The following TYW1B variants were observed in gnomAD, a reference collection of about 807,000 sequenced individuals.
TYW1B encodes S-adenosyl-L-methionine-dependent tRNA 4-demethylwyosine synthase TYW1B.
In TYW1B, 73 loss-of-function variants were observed where a neutral mutation model predicts 86.9. That is an observed-to-expected ratio of 0.84 (90% CI 0.70 to 1.02). TYW1B has a LOEUF of 1.02. Ranked by LOEUF, TYW1B falls within the 50% of genes least tolerant of loss-of-function variation. The probability of loss-of-function intolerance (pLI) is 0.00; values close to 1 mark genes in which losing one functional copy is unlikely to be tolerated. For missense variants in TYW1B, 637 were observed against 827.4 expected (o/e 0.77, Z 2.82); for synonymous variants, 248 against 292.8 (o/e 0.85, Z 1.56).
intron 10 of TYW1B, among the ~76,000 whole-genome samples, chr7:72,703,014 A>ATTTTTTTTTTTTTT (rs1814516950): frequency 2.0e-5 from 1 of 49,006 alleles, no homozygotes; most frequent in African/African-American, 6.4e-5. Flanking sequence ...ATATATATAT[A>ATTTTTTTTTTTTTT]TATATATATA....
At chr7:72,706,363 G>A (rs1554453638) in intron 10 of TYW1B, among the ~76,000 whole-genome samples, 1 of 149,602 alleles carries the variant, frequency 6.7e-6, no homozygotes, top group Non-Finnish European at 1.5e-5. Flanking sequence ...GGAAGTGGAG[G>A]TTGTGGTGAG....
chr7:72,732,411 T>C (rs1186699309), intron 8 of TYW1B, among the ~76,000 whole-genome samples: 1 of 152,098 alleles, frequency 6.6e-6, no homozygotes, highest in African/African-American at 2.4e-5. Flanking sequence ...CAAAATCCTA[T>C]CAAGTATGTT....
At chr7:72,803,742 T>C (rs1788445980) in intron 5 of TYW1B, among the ~76,000 whole-genome samples, 1 of 151,752 alleles carries the variant, frequency 6.6e-6, no homozygotes, top group South Asian at 2.1e-4. Flanking sequence ...GCCTCCAGAG[T>C]AGCTGGGACT....
At chr7:72,762,042 T>G (rs1429370267) in intron 7 of TYW1B, among the ~76,000 whole-genome samples, 1 of 152,132 alleles carries the variant, frequency 6.6e-6, no homozygotes, top group African/African-American at 2.4e-5. Context: ...AAAAATACAC[T>G]AATACAAAAA....
rs1255627442 is a variant in TYW1B, at chr7:72,802,030, T to A, written c.846+370A>T. On this transcript the variant is annotated intron_variant, in intron 6 of 13. Transcript: ENST00000620995. ...TAAGCTTTCTTAAAACATTATGAGA[T>A]GTATTTTGCGATTTTTTTTTTTTTT... is the stretch of plus-strand genomic sequence containing the variant. Among the ~76,000 whole-genome samples the A allele has an allele frequency of 6.6e-5, 8 of 120,374 alleles. No individual in the cohort carries two copies. The East Asian group carries it at 1.9e-3, about 29-fold the overall frequency. 79.0% of individuals were successfully genotyped at this position (120,374 alleles called of 152,430 possible).
intron 11 of TYW1B, among the ~76,000 whole-genome samples, chr7:72,691,804 C>G: frequency 6.6e-6 from 1 of 152,030 alleles, no homozygotes; most frequent in Middle Eastern, 3.2e-3. Context: ...ATTTAACTTC[C>G]CGGGCATAAA....
chr7:72,713,882 T>A (rs2129570726), intron 9 of TYW1B, 84 bp from the exon 10 acceptor site: 2 of 1,395,724 alleles, frequency 1.4e-6, no homozygotes, highest in East Asian at 4.9e-5. Flanking sequence ...TTTGATTTTA[T>A]AGAGCAAATT....
chr7:72,736,031 A>AT (rs1474655484), intron 8 of TYW1B, among the ~76,000 whole-genome samples: 2 of 152,164 alleles, frequency 1.3e-5, no homozygotes, highest in African/African-American at 2.4e-5. Context: ...CAGCAAGGCC[A>AT]TTTTTTTACT....
intron 7 of TYW1B, among the ~76,000 whole-genome samples, chr7:72,767,649 G>A (rs535822661): frequency 1.3e-5 from 2 of 152,022 alleles, no homozygotes; most frequent in Non-Finnish European, 2.9e-5. Context: ...AAAAAACTTT[G>A]TCTTCATTGA....
intron 11 of TYW1B, among the ~76,000 whole-genome samples, chr7:72,639,469 T>C (rs1268910312): frequency 1.3e-5 from 2 of 152,196 alleles, no homozygotes; most frequent in Admixed American, 6.5e-5. Context: ...ATCCAGCTTG[T>C]TTGTTTTTTA....
intron 9 of TYW1B, among the ~76,000 whole-genome samples, chr7:72,715,637 G>A (rs1786765343): frequency 6.6e-6 from 1 of 151,692 alleles, no homozygotes; most frequent in South Asian, 2.1e-4. Context: ...CAACTAATGG[G>A]TACTGGGCTT....
intron 11 of TYW1B, among the ~76,000 whole-genome samples, chr7:72,658,531 G>A (rs1232028674): frequency 2.0e-4 from 30 of 152,116 alleles, no homozygotes; most frequent in African/African-American, 3.4e-4. Flanking sequence ...AAACTTAAGC[G>A]GGAAGGAAAT....
At chr7:72,794,820 C>CTT (rs782680796) in intron 6 of TYW1B, among the ~76,000 whole-genome samples, 5 of 139,144 alleles carry the variant, frequency 3.6e-5, no homozygotes, top group Non-Finnish European at 4.7e-5. Flanking sequence ...CCCCACTTTT[C>CTT]TTTTTTTTTT....
Position 72,694,561 on chromosome 7 carries a change from C to T in TYW1B, c.1506+126G>A, listed in dbSNP as rs1191953047. On this transcript the variant is annotated intron_variant, in intron 11 of 13. Transcript: ENST00000620995. ...TAAAAAGTTGAACGCTATATTTCATCTTTTTTTATTTTAAAGAGAAAAGAG... is the reference window on the plus strand; with the variant it reads ...TAAAAAGTTGAACGCTATATTTCATTTTTTTTTATTTTAAAGAGAAAAGAG... 1.1e-5 allele frequency: 14 copies of T among 1,300,426 alleles called. No individual in the cohort carries two copies. In the South Asian group the frequency reaches 2.8e-4, roughly 26 times the overall value. The allele number at this position is 1,300,426 out of a possible 1,614,324, so 80.6% of individuals were successfully genotyped here.
intron 13 of TYW1B, among the ~76,000 whole-genome samples, chr7:72,612,618 T>C (rs1811961063): frequency 6.6e-6 from 1 of 152,110 alleles, no homozygotes; most frequent in Admixed American, 6.6e-5. Context: ...GAGGGAGATG[T>C]GGACACCAGG....
At chr7:72,721,076 A>G in intron 9 of TYW1B, among the ~76,000 whole-genome samples, 1 of 152,024 alleles carries the variant, frequency 6.6e-6, no homozygotes, top group East Asian at 1.9e-4. Flanking sequence ...AAAAACATGA[A>G]TTCATCCTTT....
At chr7:72,826,816 A>C in intron 2 of TYW1B, 39 bp downstream of exon 2, 2 of 1,592,326 alleles carry the variant, frequency 1.3e-6, no homozygotes, top group Non-Finnish European at 1.7e-6. Context: ...ATAAAATCTG[A>C]TGCCTAAATA....
chr7:72,795,441 C>T (rs564064669), intron 6 of TYW1B, among the ~76,000 whole-genome samples: 125 of 152,010 alleles, frequency 8.2e-4, no homozygotes, highest in South Asian at 7.1e-3. Flanking sequence ...GTCTAAAAGG[C>T]TTGTGGCAAA....
Position 72,577,343 on chromosome 7 carries a change from G to A in TYW1B, c.1786-1624C>T, listed in dbSNP as rs1231829078. Among the ~76,000 whole-genome samples, 4 of 152,282 alleles carry A rather than the reference G, an allele frequency of 2.6e-5. No individual in the cohort carries two copies. In the East Asian group the frequency reaches 7.7e-4, roughly 29 times the overall value. ...ATGCGGAAAAGTTTAATTACTCTAT[G>A]AATTAGAGGAAATTTTCTTGTAATA... On this transcript the variant is annotated intron_variant, in intron 13 of 13. Transcript: ENST00000620995.
Sources: gnomAD v4.1 joint callset for allele counts (sites outside exome capture counted in the v4.1 genomes callset) on GRCh38, gnomAD v4.1.1 for gene constraint, MANE v1.5 for transcripts, NCBI Gene and HGNC (gene_info 2026-07-23, HGNC 2026-07-21) for gene names.